The following SLU7 variants were observed in gnomAD, a reference collection of about 807,000 sequenced individuals.
SLU7 encodes the protein spliceosome associated SLU7.
SLU7 carries 60 observed loss-of-function variants against 87.0 expected under a neutral mutation model. That is an observed-to-expected ratio of 0.69 (90% CI 0.56 to 0.86). SLU7 has a LOEUF of 0.86. Ranked by LOEUF, SLU7 falls within the 40% of genes least tolerant of loss-of-function variation. The probability of loss-of-function intolerance (pLI) is 0.00; values close to 1 mark genes in which losing one functional copy is unlikely to be tolerated. For missense variants in SLU7, 507 were observed against 686.6 expected, an observed-to-expected ratio of 0.74 and a Z score of 2.92; for synonymous variants, 197 against 222.0, an observed-to-expected ratio of 0.89 and a Z score of 1.00.
intron 12 of SLU7, among the ~76,000 whole-genome samples, chr5:160,406,184 T>C (rs1284821116): frequency 6.6e-6 from 1 of 152,206 alleles, no homozygotes; most frequent in Admixed American, 6.5e-5. Context: ...TATATGTGTA[T>C]TTTACATATA....
Position 160,413,904 on chromosome 5 carries a change from A to C in SLU7, c.400T>G (p.Phe134Val). The C allele has an allele frequency of 5.7e-6, 9 of 1,591,316 alleles. No homozygotes were observed. Among genetic ancestry groups the C allele is most frequent in the Non-Finnish European group, 7.7e-6 (9 of 1,171,522 alleles). Residue 134 changes from phenylalanine to valine, a missense_variant, in exon 4 of 16, where the codon TTT (phenylalanine) becomes GTT (valine). This residue lies in a region of SLU7 where 155 missense variants were observed against 154.4 expected (regional missense o/e 1.00). Transcript: ENST00000297151. ...ATTTTCAAAGGTGAACTTACCTCAA[A>C]GCAGTCTTTCTTTTTGTGTGTCATG... ...GAMTHKKKDC[F>V]ERPRRVGAKF... is the part of the protein sequence containing the mutation.
chr5:160,412,522 TTA>T lies in SLU7; in HGVS notation c.571-5_571-4del. ...TGGGCTTTCAATGTTCGTTTTGCCT[TTA>T]AAAAAAAAAAAAAGAAAGAAAGAAA... On this transcript the variant is annotated splice_polypyrimidine_tract_variant and splice_region_variant and intron_variant, in intron 5 of 15. Coordinates refer to ENST00000297151, the MANE Select transcript of SLU7 (RefSeq NM_006425.5). The T allele has an allele frequency of 5.1e-6, 3 of 587,688 alleles. No homozygotes were observed. Among genetic ancestry groups the T allele is most frequent in the Non-Finnish European group, 7.0e-6 (3 of 430,798 alleles). The allele number at this position is 587,688 out of a possible 1,614,324, so 36.4% of individuals were successfully genotyped here. A position where few individuals can be genotyped will look rare whatever the true frequency, so the allele number is the denominator to read the frequency against.
rs1765357968 is a variant in SLU7 at position 160,414,149 on chromosome 5, A to G, written c.324+170T>C. On this transcript the variant is annotated intron_variant, in intron 3 of 15. Coordinates refer to ENST00000297151, the MANE Select transcript of SLU7 (RefSeq NM_006425.5). ...AAACTTTAAAGAGTTCAGGAGTGTA[A>G]AATTTATATAAGAAACACAAAGATA... 1.9e-5 allele frequency: 13 copies of G among 698,312 alleles called. No individual in the cohort carries two copies. The South Asian group carries it at 3.4e-4, about 18-fold the overall frequency. 43.3% of individuals were successfully genotyped at this position (698,312 alleles called of 1,614,324 possible). A position where few individuals can be genotyped will look rare whatever the true frequency, so the allele number is the denominator to read the frequency against.
rs145162528 is a variant in SLU7, at chr5:160,403,010, G to A, written c.*275C>T. The A allele has an allele frequency of 2.8e-4, 52 of 186,044 alleles. No homozygotes were observed. Among genetic ancestry groups the A allele is most frequent in the Middle Eastern group, 2.0e-3 (1 of 490 alleles). 11.5% of individuals were successfully genotyped at this position (186,044 alleles called of 1,614,324 possible). On this transcript the variant is annotated 3_prime_UTR_variant, in exon 16 of 16. Coordinates refer to ENST00000297151, the MANE Select transcript of SLU7 (RefSeq NM_006425.5). ...AGCCTGGGCGACAGAGCAAGACTCC[G>A]TCTCAAAAAAAAAAATAAATAAATA...
Position 160,412,516 on chromosome 5 carries a change from T to A in SLU7, c.574A>T (p.Lys192Ter). The stretch of plus-strand genomic sequence containing the variant: ...AGTTTCTGGGCTTTCAATGTTCGTT[T>A]TGCCTTTAAAAAAAAAAAAAAGAAA... ...VEEYAKVDLA[K>*]RTLKAQKLQE... Residue 192 changes from lysine to a stop codon, truncating the protein, a stop_gained, in exon 6 of 16, where the codon AAA (lysine) becomes TAA (stop). Coordinates refer to ENST00000297151, the MANE Select transcript of SLU7 (RefSeq NM_006425.5). LOFTEE classifies it high-confidence loss of function. 7.4e-7 allele frequency: 1 copy of A among 1,352,320 alleles called. No individual in the cohort carries two copies. The highest frequency in any genetic ancestry group is 9.9e-7 in the Non-Finnish European group (1 of 1,014,962). The allele number at this position is 1,352,320 out of a possible 1,614,324, so 83.8% of individuals were successfully genotyped here.
chr5:160,409,503 A>T (rs1261209710), intron 6 of SLU7, among the ~76,000 whole-genome samples: 1 of 152,234 alleles, frequency 6.6e-6, no homozygotes, highest in Non-Finnish European at 1.5e-5. Context: ...ATAAATCTGC[A>T]TGGCTTTTCT....
chr5:160,417,368 T>TTA (rs1765499128), intron 1 of SLU7: 1 of 152,212 alleles, frequency 6.6e-6, no homozygotes, highest in African/African-American at 2.4e-5. Flanking sequence ...ATCCAACATA[T>TTA]TATAATTGCA....
intron 8 of SLU7, 59 bp downstream of exon 8, chr5:160,408,270 A>C: frequency 5.2e-6 from 8 of 1,552,800 alleles, no homozygotes; most frequent in Non-Finnish European, 7.0e-6. Context: ...GAGTCGATAA[A>C]ATTTATGCTG....
chr5:160,409,842 T>G (rs1016164093), intron 6 of SLU7, among the ~76,000 whole-genome samples: 1 of 152,022 alleles, frequency 6.6e-6, no homozygotes, highest in Non-Finnish European at 1.5e-5. Context: ...GGGTATATAT[T>G]TGTATTTGTA....
rs769301107 is a variant in SLU7, at chr5:160,404,506, CTTT to C, written c.1512_1514del (p.Lys507del). The C allele has an allele frequency of 1.1e-5, 17 of 1,611,424 alleles. No individual in the cohort carries two copies. The Admixed American group carries it at 2.8e-4, about 27-fold the overall frequency. On this transcript the variant is annotated inframe_deletion, in exon 15 of 16. Coordinates refer to ENST00000297151, the MANE Select transcript of SLU7 (RefSeq NM_006425.5). The stretch of plus-strand genomic sequence containing the variant: ...CTGAACTGCTCTTTCGATGCTTCTT[CTTT>C]TTCTTTTTCTTCTTCTTCTTTTCCT...
chr5:160,409,455 G>C (rs914385494), intron 6 of SLU7, among the ~76,000 whole-genome samples: 1 of 152,144 alleles, frequency 6.6e-6, no homozygotes, highest in Non-Finnish European at 1.5e-5. Context: ...AGGAGATGCA[G>C]AAACACGTGT....
intron 15 of SLU7, 92 bp from the exon 16 acceptor site, chr5:160,403,556 T>C (rs762429763): frequency 7.2e-6 from 8 of 1,104,954 alleles, no homozygotes; most frequent in Admixed American, 2.7e-5. Flanking sequence ...CCACTGAATA[T>C]GAACTGCTCT....
At chr5:160,404,770 C>T in intron 14 of SLU7, 39 bp downstream of exon 14, 1 of 1,416,326 alleles carries the variant, frequency 7.1e-7, no homozygotes, top group Non-Finnish European at 1.0e-6. Context: ...GCCCTCCCTC[C>T]AGGACTTAAA....
rs1476232456 is a variant in SLU7 at position 160,419,045 on chromosome 5, C to T, written c.-39G>A. On this transcript the variant is annotated 5_prime_UTR_variant, in exon 1 of 16. Transcript: ENST00000297151. ...TACCCAGCCCCGCCGCAGCTAGCCC[C>T]AAGTCCATCCGACAGAATCCAAGCC... 6.6e-6 allele frequency: 1 copy of T among 152,294 alleles called. No homozygotes were observed. Among genetic ancestry groups the T allele is most frequent in the Non-Finnish European group, 1.5e-5 (1 of 68,078 alleles). 9.4% of individuals were successfully genotyped at this position (152,294 alleles called of 1,614,324 possible). A position where few individuals can be genotyped will look rare whatever the true frequency, so the allele number is the denominator to read the frequency against.
chr5:160,408,893 ATAAG>A (rs1290568659), intron 6 of SLU7, among the ~76,000 whole-genome samples, 196 bp from the exon 7 acceptor site: 8 of 147,566 alleles, frequency 5.4e-5, no homozygotes, highest in African/African-American at 1.7e-4. Flanking sequence ...TAACTTATAA[ATAAG>A]TATTAAGATA....
chr5:160,413,156 C>T (rs531601526), intron 5 of SLU7, among the ~76,000 whole-genome samples: 1 of 152,160 alleles, frequency 6.6e-6, no homozygotes, highest in Non-Finnish European at 1.5e-5. Flanking sequence ...TCTAACCTCA[C>T]AAAACCAAAA....
intron 1 of SLU7, among the ~76,000 whole-genome samples, chr5:160,415,905 T>G (rs2910192): frequency 6.6e-6 from 1 of 151,974 alleles, no homozygotes; most frequent in African/African-American, 2.4e-5. Flanking sequence ...TTTTCTTTTT[T>G]TTTTAGAGAC....
Position 160,408,395 on chromosome 5 carries a change from T to A in SLU7, c.753A>T (p.Gly251=). ...DKYADDIDMP[G]QNFDSKRRIT... is the part of the protein sequence containing the mutation. ...TTCGTCTCTTGGAGTCAAAATTCTG[T>A]CCAGGCATGTCAATATCATCTGCAT... is the stretch of plus-strand genomic sequence containing the variant. Residue 251 remains glycine, a synonymous_variant, in exon 8 of 16, where the codon GGA becomes GGT. Coordinates refer to ENST00000297151, the MANE Select transcript of SLU7 (RefSeq NM_006425.5). 2.5e-6 allele frequency: 4 copies of A among 1,611,558 alleles called. No individual in the cohort carries two copies. The highest frequency in any genetic ancestry group is 3.4e-6 in the Non-Finnish European group (4 of 1,178,660).
chr5:160,404,032 A>T (rs1007988300), intron 15 of SLU7, among the ~76,000 whole-genome samples: 2 of 152,214 alleles, frequency 1.3e-5, no homozygotes, highest in Non-Finnish European at 2.9e-5. Flanking sequence ...GCATTTGGAG[A>T]CAGGACTAGA....
Sources: allele counts gnomAD v4.1 joint callset (sites outside exome capture counted in the v4.1 genomes callset), GRCh38; gene constraint gnomAD v4.1.1; regional missense constraint gnomAD v4.1.1; transcripts MANE v1.5; gene names NCBI Gene and HGNC (gene_info 2026-07-23, HGNC 2026-07-21).